USP15: variants seen among roughly 807,000 people sequenced by gnomAD.
USP15 encodes ubiquitin carboxyl-terminal hydrolase 15.
In USP15, 18 loss-of-function variants were observed where a neutral mutation model predicts 127.1. The ratio of observed to expected loss-of-function variants is 0.14; its 90% CI spans 0.10 to 0.21. The LOEUF is 0.21. USP15 is among the 10% of genes least tolerant of loss of function. The probability of loss-of-function intolerance (pLI) is 1.00; values close to 1 mark genes in which losing one functional copy is unlikely to be tolerated. For missense variants in USP15, 805 were observed against 1,159.9 expected (o/e 0.69, Z 4.44); for synonymous variants, 364 against 393.7 (o/e 0.92, Z 0.89).
intron 7 of USP15, among the ~76,000 whole-genome samples, chr12:62,351,619 T>G (rs2065969655): frequency 6.6e-6 from 1 of 152,064 alleles, no homozygotes; most frequent in Non-Finnish European, 1.5e-5. Context: ...TAATCTAATC[T>G]CAAAACCTCT....
intron 2 of USP15, among the ~76,000 whole-genome samples, chr12:62,302,555 TTA>T (rs1491360991): frequency 6.6e-6 from 1 of 152,110 alleles, no homozygotes; most frequent in African/African-American, 2.4e-5. Context: ...TCTTAAAACA[TTA>T]TGAGTTTTTT....
At chr12:62,329,854 C>T (rs1027176394) in intron 6 of USP15, among the ~76,000 whole-genome samples, 1 of 152,140 alleles carries the variant, frequency 6.6e-6, no homozygotes, top group African/African-American at 2.4e-5. Flanking sequence ...TATTGTCATT[C>T]TGTAAACCAG....
intron 14 of USP15, 50 bp downstream of exon 14, chr12:62,390,038 A>C (rs1396105412): frequency 2.1e-6 from 3 of 1,447,432 alleles, no homozygotes; most frequent in Non-Finnish European, 2.8e-6. Flanking sequence ...GGAATAAAAT[A>C]TAAAATAGCT....
intron 11 of USP15, among the ~76,000 whole-genome samples, chr12:62,386,125 G>A (rs1212250346): frequency 6.6e-6 from 1 of 150,512 alleles, no homozygotes; most frequent in Non-Finnish European, 1.5e-5. Context: ...GGAGGTTAGA[G>A]CCATGGTTAG....
chr12:62,384,661 G>A (rs1242648540), intron 11 of USP15, among the ~76,000 whole-genome samples: 1 of 151,094 alleles, frequency 6.6e-6, no homozygotes, highest in East Asian at 1.9e-4. Flanking sequence ...TTTACTAGTG[G>A]CTATTGGAAG....
intron 6 of USP15, among the ~76,000 whole-genome samples, chr12:62,334,856 C>T (rs1032553629): frequency 6.6e-6 from 1 of 152,138 alleles, no homozygotes; most frequent in Non-Finnish European, 1.5e-5. Context: ...AGTTGACTTA[C>T]TAAAAGCAAG....
At chr12:62,286,982 C>G (rs900430886) in intron 1 of USP15, among the ~76,000 whole-genome samples, 2 of 151,166 alleles carry the variant, frequency 1.3e-5, no homozygotes, top group Non-Finnish European at 2.9e-5. Flanking sequence ...CAATACTGTG[C>G]AGCTATCAAA....
intron 1 of USP15, among the ~76,000 whole-genome samples, chr12:62,285,789 T>C (rs2063770264): frequency 6.6e-6 from 1 of 152,226 alleles, no homozygotes; most frequent in African/African-American, 2.4e-5. Context: ...TCATTTCCTT[T>C]GGGTATATAC....
chr12:62,275,631 G>C (rs906136550), intron 1 of USP15, among the ~76,000 whole-genome samples: 2 of 151,874 alleles, frequency 1.3e-5, no homozygotes, highest in African/African-American at 2.4e-5. Context: ...GAGGTGATAT[G>C]AGGGGAGAGG....
At chr12:62,270,545 G>A (rs2063324165) in intron 1 of USP15, among the ~76,000 whole-genome samples, 1 of 152,000 alleles carries the variant, frequency 6.6e-6, no homozygotes, top group Admixed American at 6.6e-5. Context: ...TGTGTATATG[G>A]TCAGGGGAGG....
At chr12:62,388,026 C>T (rs2067206569) in intron 11 of USP15, among the ~76,000 whole-genome samples, 1 of 151,942 alleles carries the variant, frequency 6.6e-6, no homozygotes, top group African/African-American at 2.4e-5. Context: ...GAGATTTTCC[C>T]ACCCAGTAGT....
At chr12:62,347,239 C>CA (rs2065845699) in intron 6 of USP15, among the ~76,000 whole-genome samples, 1 of 151,264 alleles carries the variant, frequency 6.6e-6, no homozygotes, top group Non-Finnish European at 1.5e-5. Context: ...ATATAGTTCT[C>CA]AGAGTTGCTA....
rs1359605069 is a variant in USP15 at position 62,389,427 on chromosome 12, T to A, written c.1474-4T>A. ...AATTCATTACAATTTTTTTTGTTTTTTAGTACAAAGTGGTTGTCCCCAAAA... is the reference window on the plus strand; with the variant it reads ...AATTCATTACAATTTTTTTTGTTTTATAGTACAAAGTGGTTGTCCCCAAAA... On this transcript the variant is annotated splice_polypyrimidine_tract_variant and splice_region_variant and intron_variant, in intron 11 of 21. Transcript: ENST00000280377. The A allele has an allele frequency of 6.2e-7, 1 of 1,603,400 alleles. No individual in the cohort carries two copies. Among genetic ancestry groups the A allele is most frequent in the Non-Finnish European group, 8.5e-7 (1 of 1,177,788 alleles).
chr12:62,342,550 C>T (rs2065677248), intron 6 of USP15, among the ~76,000 whole-genome samples: 1 of 152,092 alleles, frequency 6.6e-6, no homozygotes, highest in Non-Finnish European at 1.5e-5. Context: ...ATTTGTCTAC[C>T]TTTGGTCTTT....
chr12:62,352,293 T>A (rs2065988081), intron 7 of USP15, among the ~76,000 whole-genome samples: 1 of 151,926 alleles, frequency 6.6e-6, no homozygotes, highest in Non-Finnish European at 1.5e-5. Context: ...ACCAGTATTA[T>A]GAAAAATCCA....
intron 9 of USP15, among the ~76,000 whole-genome samples, chr12:62,383,332 A>G (rs942336379): frequency 2.6e-5 from 4 of 151,940 alleles, no homozygotes; most frequent in Admixed American, 6.6e-5. Context: ...AACTTGTTTA[A>G]TATATATTGT....
At chr12:62,313,381 C>A (rs923050942) in intron 3 of USP15, among the ~76,000 whole-genome samples, 1 of 151,492 alleles carries the variant, frequency 6.6e-6, no homozygotes, top group Non-Finnish European at 1.5e-5. Context: ...ATACTTATTC[C>A]TTTTCCTGCT....
rs142294037 is a variant in USP15, at chr12:62,322,763, G to T, written c.621+1154G>T. Among the ~76,000 whole-genome samples, 11 of 152,178 alleles carry T rather than the reference G, an allele frequency of 7.2e-5. No homozygotes were observed. The East Asian group carries it at 2.1e-3, about 29-fold the overall frequency. On this transcript the variant is annotated intron_variant, in intron 5 of 21. Transcript: ENST00000280377. ...AATTAAGTCCAGGCACTTTAAGCCA[G>T]CATGCAAGTTATGGTTTAACCTTGT...
chr12:62,411,936 A>C lies in USP15; in HGVS notation c.*7561A>C, dbSNP rs2068050197. 6.6e-6 allele frequency: 1 copy of C among 152,126 alleles called. No homozygotes were observed. The highest frequency in any genetic ancestry group is 1.5e-5 in the Non-Finnish European group (1 of 68,030). The allele number at this position is 152,126 out of a possible 1,614,324, so 9.4% of individuals were successfully genotyped here. On this transcript the variant is annotated 3_prime_UTR_variant, in exon 22 of 22. Coordinates refer to ENST00000280377, the MANE Select transcript of USP15 (RefSeq NM_001252078.2). ...CTCATGACCTCATCTAAACCTAATT[A>C]TCTCCTAAAGACTTCCTCTCCAAAT... is the stretch of plus-strand genomic sequence containing the variant.
Sources: allele counts gnomAD v4.1 joint callset (sites outside exome capture counted in the v4.1 genomes callset), GRCh38; gene constraint gnomAD v4.1.1; transcripts MANE v1.5; gene names NCBI Gene and HGNC (gene_info 2026-07-23, HGNC 2026-07-21).